ROBO2: variants seen among roughly 807,000 people sequenced by gnomAD.
The protein encoded by ROBO2 is roundabout homolog 2.
In ROBO2, 53 loss-of-function variants were observed where a neutral mutation model predicts 160.8. The observed-to-expected ratio is 0.33, with a 90% CI of 0.26 to 0.41. The LOEUF (loss-of-function observed/expected upper bound fraction) is 0.41, where lower values mean the gene tolerates loss of function less well. Among genes scored for constraint, ROBO2 ranks in the 10% least tolerant of loss-of-function variants. ROBO2 has a pLI of 1.00. For synonymous variants in ROBO2, 664 were observed against 611.7 expected (o/e 1.09, Z -1.26); for missense variants, 1,577 against 1,722.4 (o/e 0.92, Z 1.49).
intron 2 of ROBO2, among the ~76,000 whole-genome samples, chr3:76,042,666 C>G (rs1448285798): frequency 1.3e-5 from 2 of 151,946 alleles, no homozygotes; most frequent in Non-Finnish European, 2.9e-5. Context: ...AAACCAGACC[C>G]AAAACCAGGC....
intron 2 of ROBO2, among the ~76,000 whole-genome samples, chr3:76,356,352 A>C (rs956268299): frequency 7.3e-5 from 11 of 151,708 alleles, no homozygotes; most frequent in Non-Finnish European, 1.5e-4. Flanking sequence ...AATTATGCTA[A>C]ACAGGGATAG....
chr3:76,250,749 A>G (rs892484494), intron 2 of ROBO2, among the ~76,000 whole-genome samples: 1 of 152,100 alleles, frequency 6.6e-6, no homozygotes. Flanking sequence ...AAATGGAGAA[A>G]GGTTTTTAAA....
At chr3:76,088,606 T>G (rs930717122) in intron 2 of ROBO2, among the ~76,000 whole-genome samples, 1 of 152,056 alleles carries the variant, frequency 6.6e-6, no homozygotes, top group Non-Finnish European at 1.5e-5. Flanking sequence ...AATAACACAT[T>G]TCTAAATTAC....
At chr3:76,535,915 C>T (rs866945375) in intron 2 of ROBO2, among the ~76,000 whole-genome samples, 5 of 152,244 alleles carry the variant, frequency 3.3e-5, no homozygotes, top group Middle Eastern at 6.8e-3. Flanking sequence ...GTGTCTTCAG[C>T]CCCTAAACTG....
At position 76,887,193 on chromosome 3, in the gene ROBO2, C is replaced by CCTTTTTTTTTTTTTTTT. The variant is rs1178064382; in HGVS notation, c.110-210821_110-210820insCTTTTTTTTTTTTTTTT. Among the ~76,000 whole-genome samples, 26 of 120,446 alleles carry CCTTTTTTTTTTTTTTTT rather than the reference C, an allele frequency of 2.2e-4. 2 individuals are homozygous for CCTTTTTTTTTTTTTTTT. Among genetic ancestry groups the CCTTTTTTTTTTTTTTTT allele is most frequent in the Admixed American group, 7.9e-4 (8 of 10,176 alleles). The allele number at this position is 120,446 out of a possible 152,430, so 79.0% of individuals were successfully genotyped here. The stretch of plus-strand genomic sequence containing the variant: ...ATTGCCCTGCCTTTGCTTCAGGAAG[C>CCTTTTTTTTTTTTTTTT]ATTTTTTTTTTTTTTTTTTTTTTTT... On this transcript the variant is annotated intron_variant, in intron 2 of 26. Coordinates refer to the ROBO2 transcript ENST00000487694.
intron 2 of ROBO2, among the ~76,000 whole-genome samples, chr3:76,799,602 C>G (rs1334925970): frequency 6.6e-6 from 1 of 150,416 alleles, no homozygotes; most frequent in African/African-American, 2.4e-5. Flanking sequence ...AAAAAGAAAT[C>G]AAGAAAGTAA....
intron 3 of ROBO2, among the ~76,000 whole-genome samples, chr3:77,478,836 A>G (rs13071799): frequency 0.52 from 78,455 of 152,032 alleles, 20,671 homozygotes; most frequent in Admixed American, 0.63. Context: ...AGGGATGACA[A>G]TGTATATTCA....
intron 2 of ROBO2, among the ~76,000 whole-genome samples, chr3:77,100,215 A>G (rs1198943201): frequency 6.6e-6 from 1 of 152,106 alleles, no homozygotes; most frequent in Admixed American, 6.5e-5. Flanking sequence ...GAAGTAAATG[A>G]GCTTTAAGAA....
At chr3:76,620,853 A>G (rs1225847641) in intron 2 of ROBO2, among the ~76,000 whole-genome samples, 1 of 152,148 alleles carries the variant, frequency 6.6e-6, no homozygotes, top group Middle Eastern at 3.2e-3. Flanking sequence ...CTCTCTAACT[A>G]TTGGAGTAGT....
intron 2 of ROBO2, among the ~76,000 whole-genome samples, chr3:76,202,804 C>T (rs1702600090): frequency 6.6e-6 from 1 of 151,132 alleles, no homozygotes; most frequent in Non-Finnish European, 1.5e-5. Flanking sequence ...TCCATTGTTT[C>T]TCTTTGTTCT....
chr3:77,535,840 G>A (rs1017882056), intron 6 of ROBO2, among the ~76,000 whole-genome samples: 7 of 151,954 alleles, frequency 4.6e-5, no homozygotes, highest in Non-Finnish European at 1.0e-4. Context: ...AACTTGCATG[G>A]CGAATCTCAT....
At chr3:76,808,952 A>G (rs1281111202) in intron 2 of ROBO2, among the ~76,000 whole-genome samples, 3 of 152,198 alleles carry the variant, frequency 2.0e-5, no homozygotes, top group Admixed American at 6.6e-5. Context: ...AACTCCAGGT[A>G]GGATCTTGGC....
chr3:76,056,201 G>A (rs1034167299), intron 2 of ROBO2, among the ~76,000 whole-genome samples: 14 of 152,116 alleles, frequency 9.2e-5, no homozygotes, highest in South Asian at 2.1e-4. Flanking sequence ...GGGAGGATGC[G>A]CATAGACTAT....
chr3:76,716,524 A>G (rs765585316), intron 2 of ROBO2, among the ~76,000 whole-genome samples: 30 of 152,246 alleles, frequency 2.0e-4, no homozygotes, highest in Non-Finnish European at 4.0e-4. Context: ...AGAAAACTGC[A>G]GTGTAGATGA....
intron 2 of ROBO2, among the ~76,000 whole-genome samples, chr3:77,329,925 G>T (rs2065812878): frequency 6.6e-6 from 1 of 152,122 alleles, no homozygotes; most frequent in South Asian, 2.1e-4. Flanking sequence ...CCCAAGCTTG[G>T]AGTTATAAAG....
chr3:77,612,952 CA>C (rs958668579), intron 21 of ROBO2, among the ~76,000 whole-genome samples: 4 of 142,306 alleles, frequency 2.8e-5, no homozygotes, highest in South Asian at 2.2e-4. Context: ...GACTCCGTCT[CA>C]AAAAAAAAGA....
intron 2 of ROBO2, among the ~76,000 whole-genome samples, chr3:76,265,604 T>G (rs528703806): frequency 6.6e-6 from 1 of 152,266 alleles, no homozygotes; most frequent in South Asian, 2.1e-4. Flanking sequence ...TTTCATATTT[T>G]GAGCACCTGC....
intron 2 of ROBO2, among the ~76,000 whole-genome samples, chr3:77,138,515 A>G (rs2076454019): frequency 1.3e-5 from 2 of 152,230 alleles, no homozygotes; most frequent in Admixed American, 6.5e-5. Flanking sequence ...GAATATTTAA[A>G]ACTATGTATT....
At chr3:76,595,685 TG>T (rs35330515) in intron 2 of ROBO2, among the ~76,000 whole-genome samples, 210 of 152,232 alleles carry the variant, frequency 1.4e-3, no homozygotes, top group African/African-American at 4.8e-3. Flanking sequence ...CACTGATGTA[TG>T]GTTCCCTGAA....
Sources: gnomAD v4.1 joint callset for allele counts (sites outside exome capture counted in the v4.1 genomes callset) on GRCh38, gnomAD v4.1.1 for gene constraint, MANE v1.5 for transcripts, NCBI Gene and HGNC (gene_info 2026-07-23, HGNC 2026-07-21) for gene names.